PLD5: variants seen among roughly 807,000 people sequenced by gnomAD.
PLD5 encodes the protein phospholipase D family member 5.
PLD5 carries 36 observed loss-of-function variants against 61.1 expected under a neutral mutation model. The ratio of observed to expected loss-of-function variants is 0.59; its 90% CI spans 0.45 to 0.78. The LOEUF (loss-of-function observed/expected upper bound fraction) is 0.78, where lower values mean the gene tolerates loss of function less well. Among genes scored for constraint, PLD5 ranks in the 30% least tolerant of loss-of-function variants. The pLI is 0.00. For missense variants in PLD5, 515 were observed against 644.4 expected (o/e 0.80, Z 2.17); for synonymous variants, 243 against 242.8 (o/e 1.00, Z -0.01).
At chr1:242,131,406 G>T (rs1280706701) in intron 5 of PLD5, among the ~76,000 whole-genome samples, 1 of 152,166 alleles carries the variant, frequency 6.6e-6, no homozygotes, top group East Asian at 1.9e-4. Flanking sequence ...GGGAGGGTTT[G>T]GGTTTCATAC....
chr1:242,279,341 C>T (rs761822714), intron 3 of PLD5, among the ~76,000 whole-genome samples: 39 of 151,956 alleles, frequency 2.6e-4, no homozygotes, highest in Non-Finnish European at 4.7e-4. Context: ...CAGTAAAATC[C>T]CCTCATCGTT....
intron 1 of PLD5, among the ~76,000 whole-genome samples, chr1:242,426,631 T>C (rs1008098700): frequency 3.3e-5 from 5 of 152,178 alleles, no homozygotes; most frequent in Admixed American, 3.3e-4. Context: ...GACCCAAACA[T>C]TGTTATGTGG....
intron 1 of PLD5, among the ~76,000 whole-genome samples, chr1:242,504,459 T>C (rs1668657980): frequency 6.6e-6 from 1 of 152,242 alleles, no homozygotes; most frequent in South Asian, 2.1e-4. Flanking sequence ...GTCATCATCC[T>C]TGAATAAAGC....
At chr1:242,171,886 A>T (rs543683694) in intron 5 of PLD5, among the ~76,000 whole-genome samples, 2 of 152,330 alleles carry the variant, frequency 1.3e-5, no homozygotes, top group African/African-American at 4.8e-5. Flanking sequence ...GAGCACCTAG[A>T]TTCATAAAGC....
chr1:242,421,969 T>C (rs572214989), intron 1 of PLD5, among the ~76,000 whole-genome samples: 1 of 152,198 alleles, frequency 6.6e-6, no homozygotes, highest in South Asian at 2.1e-4. Context: ...AAAAGCAAAA[T>C]AAAATTCAAA....
rs963928384 is a variant in PLD5, at chr1:242,348,383, A to C, written c.190-141T>G. The stretch of plus-strand genomic sequence containing the variant: ...TGCCTAGAAGGGAAATCTATTCTCT[A>C]GTGAACATGCCAAAGATCTTTATGC... On this transcript the variant is annotated intron_variant, in intron 1 of 9. Transcript: ENST00000536534. The C allele has an allele frequency of 1.9e-5, 18 of 924,302 alleles. No homozygotes were observed. The African/African-American group carries it at 2.8e-4, about 15-fold the overall frequency. 57.3% of individuals were successfully genotyped at this position (924,302 alleles called of 1,614,324 possible).
intron 3 of PLD5, among the ~76,000 whole-genome samples, chr1:242,265,795 A>G (rs1673637402): frequency 1.3e-5 from 2 of 152,228 alleles, no homozygotes; most frequent in African/African-American, 4.8e-5. Flanking sequence ...TTTTGGCCCA[A>G]AGAGACCTGG....
intron 5 of PLD5, among the ~76,000 whole-genome samples, chr1:242,175,758 AT>A (rs1667097417): frequency 6.6e-6 from 1 of 152,242 alleles, no homozygotes. Flanking sequence ...AAGTCTCAGG[AT>A]ACAAAATCAA....
intron 5 of PLD5, among the ~76,000 whole-genome samples, chr1:242,129,107 G>A (rs962379523): frequency 6.6e-6 from 1 of 152,108 alleles, no homozygotes; most frequent in African/African-American, 2.4e-5. Context: ...CCATCAAGAT[G>A]CAACTGGGCA....
intron 2 of PLD5, among the ~76,000 whole-genome samples, chr1:242,327,628 G>A (rs1169657562): frequency 6.6e-6 from 1 of 152,124 alleles, no homozygotes; most frequent in African/African-American, 2.4e-5. Context: ...TTTACTAGGA[G>A]GCAAAAAGGC....
chr1:242,247,889 TGGCAACCTGAA>T (rs1672481365), intron 4 of PLD5, among the ~76,000 whole-genome samples: 1 of 152,196 alleles, frequency 6.6e-6, no homozygotes, highest in Non-Finnish European at 1.5e-5. Context: ...GCAGCTGCTG[TGGCAACCTGAA>T]GGCAATAGGC....
chr1:242,169,984 G>A (rs316889), intron 5 of PLD5, among the ~76,000 whole-genome samples: 1,864 of 152,352 alleles, frequency 0.012, 43 homozygotes, highest in East Asian at 0.06. Flanking sequence ...GCACCAGGGG[G>A]AAGGGGTGGC....
chr1:242,368,958 CA>C (rs1264861105), intron 1 of PLD5, among the ~76,000 whole-genome samples: 1 of 152,144 alleles, frequency 6.6e-6, no homozygotes, highest in Admixed American at 6.6e-5. Context: ...CCTGTGTCAC[CA>C]CCGTTTGCTC....
Position 242,096,200 on chromosome 1 carries a change from C to T in PLD5, c.1354+4468G>A, listed in dbSNP as rs562350947. Among the ~76,000 whole-genome samples the T allele has an allele frequency of 9.9e-5, 15 of 152,222 alleles. No homozygotes were observed. The South Asian group carries it at 1.2e-3, about 13-fold the overall frequency. On this transcript the variant is annotated intron_variant, in intron 9 of 9. Transcript: ENST00000536534. ...GTCTCAATCTCTTGACTTCGTGATC[C>T]GCCTGCCTTGGCCTCCCAAAGTGCT... is the stretch of plus-strand genomic sequence containing the variant.
intron 1 of PLD5, among the ~76,000 whole-genome samples, chr1:242,419,254 G>A (rs933882964): frequency 1.3e-5 from 2 of 152,232 alleles, no homozygotes; most frequent in African/African-American, 4.8e-5. Context: ...ATCAGGGAAG[G>A]CAGACACTTC....
intron 3 of PLD5, among the ~76,000 whole-genome samples, chr1:242,270,616 C>CCAAT (rs1674004919): frequency 6.6e-6 from 1 of 152,200 alleles, no homozygotes; most frequent in African/African-American, 2.4e-5. Context: ...CCAAGCAGTG[C>CCAAT]TGGGGCTGAG....
intron 1 of PLD5, among the ~76,000 whole-genome samples, chr1:242,458,120 C>T (rs1666999482): frequency 6.6e-6 from 1 of 152,118 alleles, no homozygotes; most frequent in South Asian, 2.1e-4. Flanking sequence ...GGTATCGGGG[C>T]TCTCATTAAA....
chr1:242,458,389 T>C (rs940951848), intron 1 of PLD5, among the ~76,000 whole-genome samples: 3 of 152,228 alleles, frequency 2.0e-5, no homozygotes, highest in Admixed American at 1.3e-4. Flanking sequence ...ATATTACTTA[T>C]CAAAAAAGTA....
chr1:242,361,741 C>G (rs1661077058), intron 1 of PLD5, among the ~76,000 whole-genome samples: 1 of 152,102 alleles, frequency 6.6e-6, no homozygotes, highest in Non-Finnish European at 1.5e-5. Context: ...TGTTTTAACT[C>G]AAATACAGAA....
Sources: gnomAD v4.1 joint callset for allele counts (sites outside exome capture counted in the v4.1 genomes callset) on GRCh38, gnomAD v4.1.1 for gene constraint, MANE v1.5 for transcripts, NCBI Gene and HGNC (gene_info 2026-07-23, HGNC 2026-07-21) for gene names.